Variants in ATP11A observed in about 807,000 individuals in gnomAD.
ATP11A encodes the protein ATPase phospholipid transporting 11A.
A neutral mutation model predicts 154.4 loss-of-function variants in ATP11A; 81 were observed. The observed-to-expected ratio is 0.52, with a 90% CI of 0.44 to 0.63. The LOEUF is 0.63. Among genes scored for constraint, ATP11A ranks in the 30% least tolerant of loss-of-function variants. The pLI, the probability that ATP11A is intolerant of heterozygous loss-of-function variation, is 0.00. For missense variants in ATP11A, 1,316 were observed against 1,474.3 expected, an observed-to-expected ratio of 0.89 and a Z score of 1.76; for synonymous variants, 623 against 585.9, an observed-to-expected ratio of 1.06 and a Z score of -0.91.
intron 1 of ATP11A, among the ~76,000 whole-genome samples, chr13:112,770,860 G>C (rs1317562751): frequency 6.6e-6 from 1 of 152,178 alleles, no homozygotes; most frequent in Non-Finnish European, 1.5e-5. Flanking sequence ...AACAAGAAAC[G>C]TTGCTGTTTG....
At chr13:112,756,783 A>T (rs2076845723) in intron 1 of ATP11A, among the ~76,000 whole-genome samples, 1 of 132,572 alleles carries the variant, frequency 7.5e-6, no homozygotes, top group Non-Finnish European at 1.7e-5. Flanking sequence ...CAGCCAGAGC[A>T]GCTTGTGGCA....
chr13:112,854,518 A>G lies in ATP11A; in HGVS notation c.2231A>G (p.Asp744Gly), dbSNP rs571294658. The change falls in exon 19 of 30, where the codon GAC becomes GGC. Residue 744 changes from aspartate to glycine, a missense_variant. Around this residue, in one of 5 missense-constraint regions of ATP11A, gnomAD observed 876 missense variants for 1,006.8 expected, o/e 0.87. Coordinates refer to ENST00000375645, the MANE Select transcript of ATP11A (RefSeq NM_015205.3). ...CGCCACAGCGGGAGCCTGACCAGAGACAACCTGTCCGGGTAGGCAGCGCGT... is the reference window on the plus strand; with the variant it reads ...CGCCACAGCGGGAGCCTGACCAGAGGCAACCTGTCCGGGTAGGCAGCGCGT... ...VLRHSGSLTR[D>G]NLSGLSADMQ... is the part of the protein sequence containing the mutation. The G allele has an allele frequency of 6.2e-7, 1 of 1,610,166 alleles. No homozygotes were observed. The highest frequency in any genetic ancestry group is 8.5e-7 in the Non-Finnish European group (1 of 1,179,708).
chr13:112,881,657 C>T, intron 29 of ATP11A: 1 of 1,202,324 alleles, frequency 8.3e-7, no homozygotes, highest in South Asian at 1.5e-5. Flanking sequence ...GGGGTGGATC[C>T]CGCCCGGCCT....
At chr13:112,703,328 T>A (rs557919700) in intron 1 of ATP11A, 1 of 152,330 alleles carries the variant, frequency 6.6e-6, no homozygotes, top group Non-Finnish European at 1.5e-5. Flanking sequence ...ACAGACCTCA[T>A]GATCTCATCT....
chr13:112,706,330 A>G (rs916934973), intron 1 of ATP11A, among the ~76,000 whole-genome samples: 2 of 152,240 alleles, frequency 1.3e-5, no homozygotes, highest in Middle Eastern at 3.2e-3. Flanking sequence ...AGAGCAAATC[A>G]TACTTGATAG....
In ATP11A at chr13:112,882,059, G is replaced by C. The variant is rs773528072; in HGVS notation, c.*193G>C. 7.3e-7 allele frequency: 1 copy of C among 1,367,616 alleles called. No homozygotes were observed. The highest frequency in any genetic ancestry group is 9.8e-7 in the Non-Finnish European group (1 of 1,021,968). 84.7% of individuals were successfully genotyped at this position (1,367,616 alleles called of 1,614,324 possible). On this transcript the variant is annotated 3_prime_UTR_variant, in exon 30 of 30. Transcript: ENST00000375645. This position sits in a 1 kb window ranked among gnomAD's most constrained non-coding sequence, Gnocchi z 5.1. Reference sequence around the variant, plus strand: ...CCCTAGGTCCCGTGTGGGAATGCTCGTGTGATGGATGGTCCTAAGCCTGTG... The same window carrying C: ...CCCTAGGTCCCGTGTGGGAATGCTCCTGTGATGGATGGTCCTAAGCCTGTG...
rs368345931 is a variant in ATP11A, at chr13:112,854,372, G to A, written c.2085G>A (p.Ala695=). Residue 695 remains alanine, a synonymous_variant, in exon 19 of 30, where the codon GCG becomes GCA. Transcript: ENST00000375645. ...VLTGDKMETA[A]ATCYACKLFR... ...CGGGAGACAAGATGGAGACGGCCGC[G>A]GCCACGTGCTACGCCTGCAAGCTCT... 3.5e-5 allele frequency: 57 copies of A among 1,613,864 alleles called. No homozygotes were observed. Among genetic ancestry groups the A allele is most frequent in the Middle Eastern group, 1.6e-4 (1 of 6,084 alleles).
At position 112,831,361 on chromosome 13, in the gene ATP11A, T is replaced by C. The variant is rs1459059377; in HGVS notation, c.1222-14T>C. ...TCCCTCAGAGCGCCCTGACTTGCTG[T>C]GCCCTGCCCGCAGGTGGAGTACATC... On this transcript the variant is annotated splice_polypyrimidine_tract_variant and intron_variant, in intron 12 of 29. Transcript: ENST00000375645. 1 of 1,611,994 alleles carries C rather than the reference T, an allele frequency of 6.2e-7. No individual in the cohort carries two copies.
chr13:112,834,544 C>T (rs192527897), intron 14 of ATP11A, 45 bp from the exon 15 acceptor site: 12 of 1,257,358 alleles, frequency 9.5e-6, no homozygotes, highest in Middle Eastern at 1.9e-4. Flanking sequence ...GAAAGAGGAA[C>T]ATCAGAATCT....
In ATP11A at chr13:112,785,991, G is replaced by A. The variant is rs1183415194; in HGVS notation, c.162+734G>A. ...TTCAAAATGGATGAGCTAAACCCACGCACACGCGTGGACGGGCTGCACATG... is the reference window on the plus strand; with the variant it reads ...TTCAAAATGGATGAGCTAAACCCACACACACGCGTGGACGGGCTGCACATG... On this transcript the variant is annotated intron_variant, in intron 2 of 29. Transcript: ENST00000375645. The surrounding 1 kb of genome is among the most constrained non-coding windows in gnomAD (Gnocchi z 4.8). Among the ~76,000 whole-genome samples, 2 of 129,578 alleles carry A rather than the reference G, an allele frequency of 1.5e-5. No homozygotes were observed. The highest frequency in any genetic ancestry group is 2.2e-4 in the East Asian group (1 of 4,592). 85.0% of individuals were successfully genotyped at this position (129,578 alleles called of 152,430 possible). A position where few individuals can be genotyped will look rare whatever the true frequency, so the allele number is the denominator to read the frequency against.
chr13:112,697,991 T>C lies in ATP11A; in HGVS notation c.39+7536T>C, dbSNP rs180904233. On this transcript the variant is annotated intron_variant, in intron 1 of 29. Coordinates refer to ENST00000375645, the MANE Select transcript of ATP11A (RefSeq NM_015205.3). This position sits in a 1 kb window ranked among gnomAD's most constrained non-coding sequence, Gnocchi z 4.0. ...TGCTTTCCAGGCAGGCATTTCCCAA[T>C]TTTGTTAGATTCTCAAGGGAGCCCC... 3.9e-5 allele frequency among the ~76,000 whole-genome samples: 6 copies of C among 152,280 alleles called. No individual in the cohort carries two copies. In the East Asian group the frequency reaches 9.7e-4, roughly 24 times the overall value.
chr13:112,708,776 G>T (rs956639513), intron 1 of ATP11A, among the ~76,000 whole-genome samples: 1 of 152,206 alleles, frequency 6.6e-6, no homozygotes, highest in African/African-American at 2.4e-5. Flanking sequence ...TGCCCGACAA[G>T]CCTGTAGCTT....
intron 25 of ATP11A, 109 bp from the exon 26 acceptor site, chr13:112,871,626 A>T (rs956611212): frequency 3.0e-6 from 3 of 1,012,754 alleles, no homozygotes; most frequent in Non-Finnish European, 4.7e-6. Context: ...TTGGGGTTTG[A>T]AGTGTTGGCA....
At chr13:112,700,771 T>C (rs1886425151) in intron 1 of ATP11A, among the ~76,000 whole-genome samples, 1 of 152,142 alleles carries the variant, frequency 6.6e-6, no homozygotes, top group Non-Finnish European at 1.5e-5. Flanking sequence ...GGCCTGCAAC[T>C]CCCGCCATGT....
At chr13:112,708,757 T>C (rs1019443903) in intron 1 of ATP11A, among the ~76,000 whole-genome samples, 32 of 152,238 alleles carry the variant, frequency 2.1e-4, no homozygotes, top group African/African-American at 7.0e-4. Flanking sequence ...TGTGAGTTGG[T>C]CCCACCCCTG....
rs1365711951 is a variant in ATP11A at position 112,707,509 on chromosome 13, A to G, written c.39+17054A>G. ...AGTGGCCAGCCTTTGGAAGTTGACA[A>G]CGACCAACTGAGAGCAGTCATTGAA... On this transcript the variant is annotated intron_variant, in intron 1 of 29. Transcript: ENST00000375645. Among the ~76,000 whole-genome samples the G allele has an allele frequency of 3.3e-5, 5 of 152,022 alleles. No individual in the cohort carries two copies. The South Asian group carries it at 6.2e-4, about 19-fold the overall frequency.
intron 18 of ATP11A, among the ~76,000 whole-genome samples, chr13:112,852,487 C>T (rs905402471): frequency 2.9e-4 from 44 of 152,310 alleles, no homozygotes; most frequent in African/African-American, 9.6e-4. Flanking sequence ...GTAAAGAACG[C>T]GACTTGCACG....
At position 112,857,218 on chromosome 13, in the gene ATP11A, T is replaced by C. The variant is rs185018082; in HGVS notation, c.2419-600T>C. On this transcript the variant is annotated intron_variant, in intron 20 of 29. Coordinates refer to ENST00000375645, the MANE Select transcript of ATP11A (RefSeq NM_015205.3). ...ATCTCTTCATTCTTACAGCTTGAAC[T>C]GTTACATTTAGGCACATAGATGGGG... 3.5e-4 allele frequency among the ~76,000 whole-genome samples: 53 copies of C among 152,344 alleles called. 2 individuals carry two copies. The highest frequency in any genetic ancestry group is 2.9e-3 in the Admixed American group (44 of 15,300).
intron 1 of ATP11A, among the ~76,000 whole-genome samples, chr13:112,760,395 A>G (rs1403458938): frequency 6.6e-6 from 1 of 152,178 alleles, no homozygotes; most frequent in Non-Finnish European, 1.5e-5. Flanking sequence ...AGCATTACCC[A>G]TTTGGGTGAG....
Sources: allele counts gnomAD v4.1 joint callset (sites outside exome capture counted in the v4.1 genomes callset), GRCh38; gene constraint gnomAD v4.1.1; regional missense constraint gnomAD v4.1.1; non-coding constraint Gnocchi (gnomAD v3.1); transcripts MANE v1.5; gene names NCBI Gene and HGNC (gene_info 2026-07-23, HGNC 2026-07-21).